Variants in MAP3K7CL observed in about 807,000 individuals in gnomAD.
MAP3K7CL encodes MAP3K7 C-terminal-like protein.
MAP3K7CL carries 16 observed loss-of-function variants against 18.6 expected under a neutral mutation model. The observed-to-expected ratio is 0.86, with a 90% CI of 0.58 to 1.31. The LOEUF is 1.31. Ranked by LOEUF, MAP3K7CL falls within the 50% of genes most tolerant of loss-of-function variation. The pLI is 0.00. For missense variants in MAP3K7CL, 163 were observed against 174.4 expected (o/e 0.93, Z 0.37); for synonymous variants, 65 against 66.8 (o/e 0.97, Z 0.13).
intron 4 of MAP3K7CL, among the ~76,000 whole-genome samples, chr21:29,100,853 C>CA (rs1024151092): frequency 2.0e-4 from 31 of 151,702 alleles, no homozygotes; most frequent in Admixed American, 1.8e-3. Context: ...GCTGGGACTA[C>CA]AGGTGCCCGC....
upstream of MAP3K7CL, chr21:29,130,601 C>G (rs1393639807): frequency 6.1e-6 from 6 of 985,332 alleles, no homozygotes; most frequent in African/African-American, 1.0e-4. Flanking sequence ...ATGCCTCTGA[C>G]AGGAGGAGGG....
At chr21:29,110,839 C>G (rs1378877808) in intron 4 of MAP3K7CL, among the ~76,000 whole-genome samples, 1 of 152,114 alleles carries the variant, frequency 6.6e-6, no homozygotes, top group East Asian at 1.9e-4. Context: ...TTTAAAAATG[C>G]TATTCTATTC....
chr21:29,095,274 C>T (rs1355323305), intron 4 of MAP3K7CL, among the ~76,000 whole-genome samples: 1 of 152,138 alleles, frequency 6.6e-6, no homozygotes, highest in African/African-American at 2.4e-5. Flanking sequence ...GGCTGAGGCA[C>T]TTTCCTCCAC....
intron 4 of MAP3K7CL, among the ~76,000 whole-genome samples, chr21:29,110,067 A>G (rs1360954829): frequency 6.6e-6 from 1 of 152,078 alleles, no homozygotes; most frequent in East Asian, 1.9e-4. Flanking sequence ...ATTTGAGCAT[A>G]TTTTTACTTT....
At chr21:29,109,261 G>C in intron 4 of MAP3K7CL, 1 of 1,533,756 alleles carries the variant, frequency 6.5e-7, no homozygotes, top group South Asian at 1.2e-5. Flanking sequence ...TATACAACCA[G>C]ATAGTGCATG....
chr21:29,088,769 C>T (rs1358632434), intron 1 of MAP3K7CL, among the ~76,000 whole-genome samples: 3 of 152,116 alleles, frequency 2.0e-5, no homozygotes, highest in Admixed American at 6.6e-5. Flanking sequence ...ACCATTTGGG[C>T]GCTGCTTTCT....
intron 2 of MAP3K7CL, among the ~76,000 whole-genome samples, chr21:29,144,594 A>G (rs746605763): frequency 3.3e-5 from 5 of 152,104 alleles, no homozygotes; most frequent in Non-Finnish European, 7.4e-5. Flanking sequence ...TTAGTCTTAC[A>G]TGGCCACGAA....
chr21:29,174,822 C>G lies in MAP3K7CL; in HGVS notation c.359C>G (p.Ala120Gly), dbSNP rs780237566. Residue 120 changes from alanine to glycine, a missense_variant, in exon 5 of 5, where the codon GCC (alanine) becomes GGC (glycine). Physicochemically the swap from Ala to Gly is moderately conservative, Grantham distance 60. Coordinates refer to ENST00000399928, the MANE Select transcript of MAP3K7CL (RefSeq NM_001286620.2). ...LTEENRTLRL[A>G]QSQCVEQLEK... ...GAGGAGAATCGGACGTTGAGGTTGG[C>G]CCAGTCTCAATGTGTGGAACAACTG... 6.8e-6 allele frequency: 11 copies of G among 1,613,938 alleles called. No individual in the cohort carries two copies. The highest frequency in any genetic ancestry group is 3.3e-5 in the Admixed American group (2 of 60,002).
At chr21:29,121,199 T>G (rs1160412919) in intron 4 of MAP3K7CL, among the ~76,000 whole-genome samples, 3 of 151,904 alleles carry the variant, frequency 2.0e-5, no homozygotes, top group East Asian at 1.9e-4. Flanking sequence ...GGGCAATGAC[T>G]GTCTTACCTG....
At chr21:29,156,205 G>A (rs910747798) in intron 3 of MAP3K7CL, among the ~76,000 whole-genome samples, 3 of 152,114 alleles carry the variant, frequency 2.0e-5, no homozygotes, top group African/African-American at 7.2e-5. Flanking sequence ...TTTATTTATC[G>A]TACATCCATT....
At chr21:29,149,995 G>T (rs764751663) in intron 3 of MAP3K7CL, among the ~76,000 whole-genome samples, 1 of 152,180 alleles carries the variant, frequency 6.6e-6, no homozygotes, top group Non-Finnish European at 1.5e-5. Flanking sequence ...TCCAATAGGG[G>T]TCTTGAATCC....
chr21:29,119,424 T>C, intron 4 of MAP3K7CL, among the ~76,000 whole-genome samples: 1 of 152,166 alleles, frequency 6.6e-6, no homozygotes, highest in East Asian at 1.9e-4. Context: ...GTCTAACCAT[T>C]TCCTATTCCT....
intron 2 of MAP3K7CL, among the ~76,000 whole-genome samples, chr21:29,147,538 G>A (rs929262812): frequency 2.0e-5 from 3 of 151,570 alleles, no homozygotes; most frequent in Non-Finnish European, 4.4e-5. Flanking sequence ...TATTATATAT[G>A]TATATGTGTA....
Position 29,159,969 on chromosome 21 carries a change from A to T in MAP3K7CL, c.161A>T (p.Glu54Val). ...CTGCCGCCTTGTCATGACTCCGAGG[A>T]ATCCATGGAGGTGTTCAAACAGCAC... ...QPLPPCHDSE[E>V]SMEVFKQHCQ... Residue 54 changes from glutamate (E) to valine (V), a missense_variant, in exon 4 of 5, where the codon GAA becomes GTA. By Grantham distance (121) the Glu-to-Val change is moderately radical. Coordinates refer to ENST00000399928, the MANE Select transcript of MAP3K7CL (RefSeq NM_001286620.2). The T allele has an allele frequency of 6.2e-7, 1 of 1,613,892 alleles. No individual in the cohort carries two copies. The highest frequency in any genetic ancestry group is 8.5e-7 in the Non-Finnish European group (1 of 1,179,848).
chr21:29,174,654 T>C lies in MAP3K7CL; in HGVS notation c.249-58T>C, dbSNP rs368896524. The C allele has an allele frequency of 6.3e-6, 10 of 1,579,826 alleles. No homozygotes were observed. In the African/African-American group the frequency reaches 1.3e-4, roughly 21 times the overall value. On this transcript the variant is annotated intron_variant, in intron 4 of 4. Transcript: ENST00000399928. ...CTTCCATCATGCTATTACTGAATAATTTAATTTGCTTGCATTGAATTCTGT... is the reference window on the plus strand; with the variant it reads ...CTTCCATCATGCTATTACTGAATAACTTAATTTGCTTGCATTGAATTCTGT...
At chr21:29,079,775 T>C (rs1033973284) in intron 1 of MAP3K7CL, among the ~76,000 whole-genome samples, 6 of 152,186 alleles carry the variant, frequency 3.9e-5, no homozygotes, top group Non-Finnish European at 7.3e-5. Flanking sequence ...ATCAATCTAC[T>C]TGAGGCTGTA....
At chr21:29,110,386 G>A (rs7278227) in intron 4 of MAP3K7CL, among the ~76,000 whole-genome samples, 58,558 of 151,452 alleles carry the variant, frequency 0.39, 11,453 homozygotes, top group African/African-American at 0.42. Context: ...CTGTTGCTCC[G>A]TTTTTTATCT....
upstream of MAP3K7CL, among the ~76,000 whole-genome samples, chr21:29,082,704 G>A (rs1050495557): frequency 6.6e-6 from 1 of 152,194 alleles, no homozygotes; most frequent in Non-Finnish European, 1.5e-5. Flanking sequence ...ATCAAAGGCT[G>A]TAGATACATG....
intron 3 of MAP3K7CL, among the ~76,000 whole-genome samples, chr21:29,155,127 T>C (rs1029358148): frequency 1.1e-4 from 16 of 152,238 alleles, no homozygotes; most frequent in Admixed American, 8.5e-4. Context: ...TCTAAGATAA[T>C]AGAGTTCTTA....
Sources: allele counts gnomAD v4.1 joint callset (sites outside exome capture counted in the v4.1 genomes callset), GRCh38; gene constraint gnomAD v4.1.1; transcripts MANE v1.5; gene names NCBI Gene and HGNC (gene_info 2026-07-23, HGNC 2026-07-21).